The following GCNT1 variants were observed in gnomAD, a reference collection of about 807,000 sequenced individuals.
GCNT1 encodes the protein beta-1,3-galactosyl-O-glycosyl-glycoprotein beta-1,6-N-acetylglucosaminyltransferase.
In GCNT1, 16 loss-of-function variants were observed where a neutral mutation model predicts 26.2. That is an observed-to-expected ratio of 0.61 (90% CI 0.41 to 0.93). The LOEUF is 0.93. GCNT1 is among the 40% of genes least tolerant of loss of function. The pLI is 0.00. For missense variants in GCNT1, 477 were observed against 526.7 expected (o/e 0.91, Z 0.92); for synonymous variants, 183 against 190.8 (o/e 0.96, Z 0.34).
intron 2 of GCNT1, among the ~76,000 whole-genome samples, chr9:76,490,157 C>T (rs1245596583): frequency 1.3e-5 from 2 of 152,138 alleles, no homozygotes; most frequent in Non-Finnish European, 2.9e-5. Flanking sequence ...CTCTAAGTGC[C>T]GGGCAGCATC....
Position 76,435,557 on chromosome 9 carries a change from C to T in GCNT1, n.38+15670C>T, listed in dbSNP as rs1004243043. 8.3e-4 allele frequency among the ~76,000 whole-genome samples: 127 copies of T among 152,182 alleles called. 1 individual carries two copies. The highest frequency in any genetic ancestry group is 7.2e-4 in the Non-Finnish European group (49 of 68,036). ...GCAAGTTTGGTTTCTGGTGAGGCTTCTCTTTCTGGTTTGTTGATGGCCATC... is the reference window on the plus strand; with the variant it reads ...GCAAGTTTGGTTTCTGGTGAGGCTTTTCTTTCTGGTTTGTTGATGGCCATC... On this transcript the variant is annotated intron_variant and non_coding_transcript_variant, in intron 1 of 3. Coordinates refer to the GCNT1 transcript ENST00000488136.
At chr9:76,487,223 C>A (rs926712274) in intron 2 of GCNT1, among the ~76,000 whole-genome samples, 1 of 152,194 alleles carries the variant, frequency 6.6e-6, no homozygotes, top group African/African-American at 2.4e-5. Flanking sequence ...TTACCTGTTT[C>A]CTGCTCCTTC....
chr9:76,406,134 G>A, the GCNT1 span, among the ~76,000 whole-genome samples: 1 of 152,078 alleles, frequency 6.6e-6, no homozygotes, highest in African/African-American at 2.4e-5. Context: ...CATATGATGT[G>A]GAACATCTTT....
At chr9:76,458,360 A>G (rs1587422273), upstream of GCNT1, among the ~76,000 whole-genome samples, 3 of 151,360 alleles carry the variant, frequency 2.0e-5, no homozygotes, top group African/African-American at 7.3e-5. Flanking sequence ...TTTTTTGTAT[A>G]TTTAGTAGAG....
chr9:76,428,302 A>AAAAAAAAAAG (rs1222053703), intron 1 of GCNT1, among the ~76,000 whole-genome samples: 5 of 149,434 alleles, frequency 3.3e-5, no homozygotes, highest in African/African-American at 2.5e-5. Flanking sequence ...TAAAAAAAAA[A>AAAAAAAAAAG]AGAGAGAGAG....
intron 1 of GCNT1, among the ~76,000 whole-genome samples, chr9:76,443,990 G>A (rs10122486): frequency 2.0e-4 from 15 of 73,712 alleles, no homozygotes; most frequent in African/African-American, 5.7e-4. Context: ...AGGAAGGAAG[G>A]AAGAAAAAAA....
chr9:76,470,030 T>C (rs1824096160), intron 2 of GCNT1, among the ~76,000 whole-genome samples: 1 of 152,160 alleles, frequency 6.6e-6, no homozygotes, highest in African/African-American at 2.4e-5. Context: ...CATACTTATA[T>C]TAAGGGTACT....
At chr9:76,473,963 G>A (rs1824198543) in intron 2 of GCNT1, among the ~76,000 whole-genome samples, 1 of 152,124 alleles carries the variant, frequency 6.6e-6, no homozygotes. Flanking sequence ...GCCAGGCATG[G>A]TGGCATGTGC....
chr9:76,470,110 G>A (rs1375871986), intron 2 of GCNT1, among the ~76,000 whole-genome samples: 1 of 152,124 alleles, frequency 6.6e-6, no homozygotes, highest in African/African-American at 2.4e-5. Context: ...CTGTGTGTGT[G>A]TATATGACTT....
chr9:76,399,141 G>A, the GCNT1 span: 2 of 1,508,390 alleles, frequency 1.3e-6, no homozygotes, highest in Admixed American at 3.3e-5. Flanking sequence ...ATTGCTCTGT[G>A]TAACACAGAT....
At position 76,507,032 on chromosome 9, in the gene GCNT1, T is replaced by G. The variant is rs1825256884; in HGVS notation, c.*3364T>G. ...ATATCTCTTACCTGAAATCATAACTTAGCCAAGCCTACCTTAAATGTTCTC... is the reference window on the plus strand; with the variant it reads ...ATATCTCTTACCTGAAATCATAACTGAGCCAAGCCTACCTTAAATGTTCTC... On this transcript the variant is annotated 3_prime_UTR_variant, in exon 4 of 4. Coordinates refer to ENST00000376730, the MANE Select transcript of GCNT1 (RefSeq NM_001490.5). 6.0e-6 allele frequency: 1 copy of G among 167,072 alleles called. No individual in the cohort carries two copies. Among genetic ancestry groups the G allele is most frequent in the South Asian group, 2.1e-4 (1 of 4,832 alleles). 10.3% of individuals were successfully genotyped at this position (167,072 alleles called of 1,614,324 possible). A position where few individuals can be genotyped will look rare whatever the true frequency, so the allele number is the denominator to read the frequency against.
chr9:76,432,765 G>A (rs1823354125), intron 1 of GCNT1, among the ~76,000 whole-genome samples: 1 of 152,222 alleles, frequency 6.6e-6, no homozygotes, highest in Non-Finnish European at 1.5e-5. Flanking sequence ...TGAAAGCCAA[G>A]CTAAAAGTCT....
intron 1 of GCNT1, among the ~76,000 whole-genome samples, chr9:76,426,569 A>G (rs980964201): frequency 3.9e-5 from 6 of 151,916 alleles, no homozygotes; most frequent in South Asian, 2.1e-4. Context: ...TCGTGTCTCA[A>G]AAAAAAAGAA....
chr9:76,506,706 GTAAACAGCCACTCAGCC>G lies in GCNT1; in HGVS notation c.*3040_*3056del, dbSNP rs1386823810. ...TTACTGAGGCTCTTCCCAGATCTCA[GTAAACAGCCACTCAGCC>G]TTGAAAATGGAGTGTTGTTGTTTCT... On this transcript the variant is annotated 3_prime_UTR_variant, in exon 4 of 4. Transcript: ENST00000376730. The G allele has an allele frequency of 9.0e-5, 15 of 167,018 alleles. No individual in the cohort carries two copies. In the East Asian group the frequency reaches 2.9e-3, roughly 32 times the overall value. 10.3% of individuals were successfully genotyped at this position (167,018 alleles called of 1,614,324 possible). A position where few individuals can be genotyped will look rare whatever the true frequency, so the allele number is the denominator to read the frequency against.
At chr9:76,493,995 TTTC>T (rs1320032216) in intron 2 of GCNT1, among the ~76,000 whole-genome samples, 1 of 152,088 alleles carries the variant, frequency 6.6e-6, no homozygotes, top group Non-Finnish European at 1.5e-5. Context: ...TTAGGATGCA[TTTC>T]AAGGGTGAGC....
chr9:76,469,551 A>G (rs962500619), intron 2 of GCNT1, among the ~76,000 whole-genome samples: 2 of 152,060 alleles, frequency 1.3e-5, no homozygotes, highest in African/African-American at 2.4e-5. Context: ...AAATCTTGCA[A>G]CTGCACTCTC....
At chr9:76,428,527 G>T (rs1299875563) in intron 1 of GCNT1, among the ~76,000 whole-genome samples, 2 of 151,602 alleles carry the variant, frequency 1.3e-5, no homozygotes, top group African/African-American at 4.8e-5. Flanking sequence ...TTTTTAAAAA[G>T]AAACAGAACA....
intron 1 of GCNT1, among the ~76,000 whole-genome samples, chr9:76,450,709 C>T (rs1050221655): frequency 3.9e-5 from 6 of 152,046 alleles, no homozygotes; most frequent in African/African-American, 1.4e-4. Flanking sequence ...CTTATCATGC[C>T]CTTTGCCCAT....
intron 2 of GCNT1, among the ~76,000 whole-genome samples, chr9:76,468,851 TGGA>T (rs1824065273): frequency 6.6e-6 from 1 of 152,176 alleles, no homozygotes; most frequent in Non-Finnish European, 1.5e-5. Flanking sequence ...AGTGGCTGTG[TGGA>T]GAAGTTTTCA....
Sources: allele counts gnomAD v4.1 joint callset (sites outside exome capture counted in the v4.1 genomes callset), GRCh38; gene constraint gnomAD v4.1.1; transcripts MANE v1.5; gene names NCBI Gene and HGNC (gene_info 2026-07-23, HGNC 2026-07-21).